CHD9: variants seen among roughly 807,000 people sequenced by gnomAD.
CHD9 encodes chromodomain helicase DNA binding protein 9.
A neutral mutation model predicts 316.1 loss-of-function variants in CHD9; 77 were observed. That is an observed-to-expected ratio of 0.24 (90% CI 0.20 to 0.29). The LOEUF (loss-of-function observed/expected upper bound fraction) is 0.29, where lower values mean the gene tolerates loss of function less well. Ranked by LOEUF, CHD9 falls within the 10% of genes least tolerant of loss-of-function variation. The probability of loss-of-function intolerance (pLI) is 1.00; values close to 1 mark genes in which losing one functional copy is unlikely to be tolerated. For synonymous variants in CHD9, 1,129 were observed against 1,158.3 expected (o/e 0.97, Z 0.51); for missense variants, 2,763 against 3,438.1 (o/e 0.80, Z 4.91).
rs935128198 is a variant in CHD9 at position 53,157,656 on chromosome 16, A to G, written c.1452+115A>G. ...TTTCTCAAACTTGGTAATTCCATTA[A>G]GTGAACATACATATTTTGATATAGG... On this transcript the variant is annotated intron_variant, in intron 2 of 38. Transcript: ENST00000447540. The G allele has an allele frequency of 3.6e-5, 35 of 959,906 alleles. No individual in the cohort carries two copies. The Admixed American group carries it at 9.9e-4, about 27-fold the overall frequency. 59.5% of individuals were successfully genotyped at this position (959,906 alleles called of 1,614,324 possible). A position where few individuals can be genotyped will look rare whatever the true frequency, so the allele number is the denominator to read the frequency against.
rs976200436 is a variant in CHD9, at chr16:53,231,921, G to A, written c.2511+137G>A. On this transcript the variant is annotated intron_variant, in intron 10 of 38. Coordinates refer to ENST00000447540, the MANE Select transcript of CHD9 (RefSeq NM_001308319.2). ...TTACTATGTGAGTCTAGTTTTGGGAGCCAAAGCTTAAGAGGGAGTTTATAT... is the reference window on the plus strand; with the variant it reads ...TTACTATGTGAGTCTAGTTTTGGGAACCAAAGCTTAAGAGGGAGTTTATAT... 4.9e-6 allele frequency: 4 copies of A among 813,450 alleles called. No individual in the cohort carries two copies. The African/African-American group carries it at 5.2e-5, about 11-fold the overall frequency. 50.4% of individuals were successfully genotyped at this position (813,450 alleles called of 1,614,324 possible).
chr16:53,267,551 T>C lies in CHD9; in HGVS notation c.4517+61T>C. ...CTGGTATGTAATGTTACAGAAAATA[T>C]ATACTGGTTTTGAGTATATTTTTTA... On this transcript the variant is annotated intron_variant, in intron 21 of 38. Transcript: ENST00000447540. 10 of 1,189,984 alleles carry C rather than the reference T, an allele frequency of 8.4e-6. No individual in the cohort carries two copies. The South Asian group carries it at 1.7e-4, about 21-fold the overall frequency. 73.7% of individuals were successfully genotyped at this position (1,189,984 alleles called of 1,614,324 possible).
chr16:53,181,852 G>A (rs1031438301), intron 2 of CHD9, among the ~76,000 whole-genome samples: 2 of 152,118 alleles, frequency 1.3e-5, no homozygotes, highest in African/African-American at 4.8e-5. Flanking sequence ...GGCCGAGCTG[G>A]GCGAATCACC....
chr16:53,132,983 A>G (rs933926196), intron 1 of CHD9, among the ~76,000 whole-genome samples: 3 of 151,852 alleles, frequency 2.0e-5, no homozygotes, highest in East Asian at 1.9e-4. Flanking sequence ...CGTTTCTTCT[A>G]TTGCTTTAAA....
intron 1 of CHD9, among the ~76,000 whole-genome samples, chr16:53,081,827 T>A (rs1175174448): frequency 7.7e-6 from 1 of 129,934 alleles, no homozygotes; most frequent in Non-Finnish European, 1.6e-5. Context: ...TCTGTTTATA[T>A]TTGTCAAGTT....
chr16:53,073,295 G>A (rs185820088), intron 1 of CHD9, among the ~76,000 whole-genome samples: 15 of 152,282 alleles, frequency 9.9e-5, no homozygotes, highest in East Asian at 7.7e-4. Flanking sequence ...CATCCGTGTC[G>A]TAGCCTATGT....
chr16:53,311,923 A>G (rs1179905886), intron 34 of CHD9: 1 of 135,150 alleles, frequency 7.4e-6, no homozygotes, highest in African/African-American at 2.8e-5. Flanking sequence ...TAGGCATTCA[A>G]TACAAAAAAA....
intron 2 of CHD9, among the ~76,000 whole-genome samples, chr16:53,176,140 A>G (rs1455461264): frequency 6.6e-6 from 1 of 152,226 alleles, no homozygotes; most frequent in Non-Finnish European, 1.5e-5. Context: ...CTGGACTAAA[A>G]TCAAGATGTC....
chr16:53,110,511 A>AG (rs1392152125), intron 1 of CHD9, among the ~76,000 whole-genome samples: 2 of 152,228 alleles, frequency 1.3e-5, no homozygotes, highest in Non-Finnish European at 2.9e-5. Flanking sequence ...CTGTAATCCC[A>AG]GCACTTTGGG....
chr16:53,208,277 T>C (rs571466816), intron 2 of CHD9: 307 of 1,266,762 alleles, frequency 2.4e-4, no homozygotes, highest in Non-Finnish European at 3.1e-4. Context: ...CTGCCTGGGG[T>C]GGTGAAAAAG....
intron 24 of CHD9, among the ~76,000 whole-genome samples, chr16:53,278,761 C>A (rs1216158319): frequency 1.3e-5 from 2 of 152,120 alleles, no homozygotes; most frequent in Admixed American, 1.3e-4. Context: ...TGAAAAAATG[C>A]TCATCATCAC....
At chr16:53,305,722 G>A (rs565565586) in intron 31 of CHD9, among the ~76,000 whole-genome samples, 1 of 152,224 alleles carries the variant, frequency 6.6e-6, no homozygotes, top group South Asian at 2.1e-4. Context: ...ACCAGTTCAG[G>A]GGCAAGAAAA....
chr16:53,248,521 T>G (rs1360255691), intron 16 of CHD9, among the ~76,000 whole-genome samples: 2 of 133,818 alleles, frequency 1.5e-5, no homozygotes, highest in Non-Finnish European at 3.1e-5. Context: ...TTGGTTTTTT[T>G]TTTTGTTTTT....
Position 53,306,109 on chromosome 16 carries a change from T to C in CHD9, c.6620-128T>C, listed in dbSNP as rs1343294280. On this transcript the variant is annotated intron_variant, in intron 31 of 38. Coordinates refer to ENST00000447540, the MANE Select transcript of CHD9 (RefSeq NM_001308319.2). Reference sequence around the variant, plus strand: ...TATATTCTAGGTGATTTTTTCTCTTTTTTTATCATTTGTTTTTACTTCTAA... The same window carrying C: ...TATATTCTAGGTGATTTTTTCTCTTCTTTTATCATTTGTTTTTACTTCTAA... 5.7e-6 allele frequency: 3 copies of C among 529,308 alleles called. No individual in the cohort carries two copies. In the African/African-American group the frequency reaches 5.9e-5, roughly 10 times the overall value. 32.8% of individuals were successfully genotyped at this position (529,308 alleles called of 1,614,324 possible). A position where few individuals can be genotyped will look rare whatever the true frequency, so the allele number is the denominator to read the frequency against.
intron 2 of CHD9, among the ~76,000 whole-genome samples, chr16:53,191,416 C>T (rs2044471586): frequency 6.6e-6 from 1 of 152,014 alleles, no homozygotes; most frequent in African/African-American, 2.4e-5. Flanking sequence ...TTACATCAGC[C>T]CTCAAAATTT....
At chr16:53,272,353 GA>G (rs1005497436) in intron 22 of CHD9, among the ~76,000 whole-genome samples, 10 of 144,904 alleles carry the variant, frequency 6.9e-5, no homozygotes, top group East Asian at 4.0e-4. Flanking sequence ...AAAGGCAAAA[GA>G]AAAAAAAAAC....
At chr16:53,150,749 G>T (rs765686798) in intron 1 of CHD9, among the ~76,000 whole-genome samples, 4 of 152,108 alleles carry the variant, frequency 2.6e-5, no homozygotes, top group Non-Finnish European at 4.4e-5. Flanking sequence ...TTTTTGCATA[G>T]AATTCTTAGT....
Position 53,273,790 on chromosome 16 carries a change from G to A in CHD9, c.4877+5G>A. On this transcript the variant is annotated splice_donor_5th_base_variant and intron_variant, in intron 23 of 38. Coordinates refer to ENST00000447540, the MANE Select transcript of CHD9 (RefSeq NM_001308319.2). ...TATAAAACACCACTGTAATAAGTAG[G>A]TATAGGGTATTTTAAACACAACTCT... 1 of 1,594,318 alleles carries A rather than the reference G, an allele frequency of 6.3e-7. No individual in the cohort carries two copies.
At chr16:53,243,110 T>A in intron 13 of CHD9, 94 bp downstream of exon 13, 1 of 839,220 alleles carries the variant, frequency 1.2e-6, no homozygotes. Context: ...TCTTTTTAAT[T>A]TTAGAGTGTA....
Sources: gnomAD v4.1 joint callset for allele counts (sites outside exome capture counted in the v4.1 genomes callset) on GRCh38, gnomAD v4.1.1 for gene constraint, MANE v1.5 for transcripts, NCBI Gene and HGNC (gene_info 2026-07-23, HGNC 2026-07-21) for gene names.